Variants in SYN3 observed in about 807,000 individuals in gnomAD.
SYN3 encodes synapsin III, also known as synapsin-3.
A neutral mutation model predicts 65.8 loss-of-function variants in SYN3; 35 were observed. That is an observed-to-expected ratio of 0.53 (90% CI 0.41 to 0.70). The LOEUF is 0.70. SYN3 is among the 30% of genes least tolerant of loss of function. SYN3 has a pLI of 0.00. For missense variants in SYN3, 680 were observed against 749.0 expected (o/e 0.91, Z 1.08); for synonymous variants, 270 against 292.9 (o/e 0.92, Z 0.80).
chr22:32,663,488 C>A (rs1235257605), intron 6 of SYN3, among the ~76,000 whole-genome samples: 3 of 151,704 alleles, frequency 2.0e-5, no homozygotes, highest in African/African-American at 4.8e-5. Flanking sequence ...TTAGTAGAGA[C>A]GGGGTTTCAC....
At chr22:32,898,098 C>A (rs1357062904) in intron 4 of SYN3, among the ~76,000 whole-genome samples, 4 of 152,126 alleles carry the variant, frequency 2.6e-5, no homozygotes, top group Admixed American at 2.6e-4. Context: ...CGGCTTCAAG[C>A]GATTCTCCTG....
chr22:32,884,178 C>G (rs1212264448), intron 4 of SYN3, among the ~76,000 whole-genome samples: 1 of 152,218 alleles, frequency 6.6e-6, no homozygotes, highest in African/African-American at 2.4e-5. Context: ...AAATACACAC[C>G]TAACAAATTT....
At chr22:32,896,006 A>C (rs2049582968) in intron 4 of SYN3, among the ~76,000 whole-genome samples, 1 of 152,242 alleles carries the variant, frequency 6.6e-6, no homozygotes, top group South Asian at 2.1e-4. Flanking sequence ...CAGCACATAG[A>C]AAAATGCTCA....
At chr22:32,565,774 C>T (rs937179949) in intron 7 of SYN3, among the ~76,000 whole-genome samples, 4 of 151,978 alleles carry the variant, frequency 2.6e-5, no homozygotes, top group Non-Finnish European at 4.4e-5. Flanking sequence ...TGCAGTGGCA[C>T]GATCTCGGCT....
At chr22:32,907,244 T>C (rs921456372) in intron 4 of SYN3, among the ~76,000 whole-genome samples, 1 of 152,132 alleles carries the variant, frequency 6.6e-6, no homozygotes, top group African/African-American at 2.4e-5. Context: ...GAAGGTACTT[T>C]CACTAGCCTA....
intron 3 of SYN3, among the ~76,000 whole-genome samples, chr22:32,933,184 A>T (rs558967377): frequency 1.3e-5 from 2 of 152,348 alleles, no homozygotes; most frequent in African/African-American, 4.8e-5. Context: ...CCTTATACAC[A>T]GTAGATGCCA....
chr22:33,020,400 T>C (rs1188429338), intron 1 of SYN3, among the ~76,000 whole-genome samples: 2 of 152,064 alleles, frequency 1.3e-5, no homozygotes, highest in Non-Finnish European at 2.9e-5. Flanking sequence ...CCTCAGGACA[T>C]AGGAGATGGG....
intron 6 of SYN3, among the ~76,000 whole-genome samples, chr22:32,615,443 A>AAAAAAAG (rs1171809266): frequency 3.3e-5 from 5 of 150,744 alleles, no homozygotes; most frequent in African/African-American, 1.2e-4. Flanking sequence ...AAAAAAAAAA[A>AAAAAAAG]AAAAAAAAGA....
chr22:33,017,522 A>G (rs1005205093), intron 1 of SYN3, among the ~76,000 whole-genome samples: 9 of 152,226 alleles, frequency 5.9e-5, no homozygotes, highest in African/African-American at 2.2e-4. Flanking sequence ...CTTTCCATTT[A>G]TTTGTGTCAC....
At chr22:32,806,372 T>G (rs1392112112) in intron 6 of SYN3, among the ~76,000 whole-genome samples, 1 of 152,216 alleles carries the variant, frequency 6.6e-6, no homozygotes, top group Non-Finnish European at 1.5e-5. Flanking sequence ...CACTGCTGAA[T>G]GGCACATTCC....
chr22:32,814,137 T>TGA (rs1276692209), intron 6 of SYN3, among the ~76,000 whole-genome samples: 2 of 80,134 alleles, frequency 2.5e-5, no homozygotes, highest in African/African-American at 9.7e-5. Flanking sequence ...TGTGTGTGTG[T>TGA]GTGTGAGAGA....
At chr22:32,577,415 A>T (rs1224764555) in intron 7 of SYN3, among the ~76,000 whole-genome samples, 1 of 152,170 alleles carries the variant, frequency 6.6e-6, no homozygotes. Context: ...GCATGGCTAG[A>T]TTCCTGCTAG....
In SYN3 at chr22:32,706,344, C is replaced by T. The variant is rs184154307; in HGVS notation, c.712-109608G>A. Among the ~76,000 whole-genome samples, 7 of 152,220 alleles carry T rather than the reference C, an allele frequency of 4.6e-5. No individual in the cohort carries two copies. The East Asian group carries it at 1.3e-3, about 29-fold the overall frequency. ...AAGCGACACCATAAGTACAGAGAAA[C>T]AAAAACAAGAATGACAGCAGACTTC... On this transcript the variant is annotated intron_variant, in intron 6 of 13. Transcript: ENST00000358763.
At chr22:32,578,567 A>G (rs2058889691) in intron 7 of SYN3, among the ~76,000 whole-genome samples, 1 of 152,186 alleles carries the variant, frequency 6.6e-6, no homozygotes, top group African/African-American at 2.4e-5. Context: ...TATTTTTCAA[A>G]CTGTGAGTTT....
At chr22:32,534,384 G>T (rs1601584876) in intron 9 of SYN3, among the ~76,000 whole-genome samples, 1 of 151,100 alleles carries the variant, frequency 6.6e-6, no homozygotes, top group Non-Finnish European at 1.5e-5. Context: ...CCCAGCCCTG[G>T]CCGGACAAGA....
At chr22:32,841,788 T>G (rs1233491081) in intron 6 of SYN3, among the ~76,000 whole-genome samples, 1 of 152,092 alleles carries the variant, frequency 6.6e-6, no homozygotes, top group Non-Finnish European at 1.5e-5. Context: ...CTATGGTACA[T>G]GTTTACCTTT....
intron 6 of SYN3, among the ~76,000 whole-genome samples, chr22:32,705,757 T>C (rs1207395357): frequency 6.6e-6 from 1 of 152,220 alleles, no homozygotes; most frequent in African/African-American, 2.4e-5. Flanking sequence ...GTTCTCATTG[T>C]AGAGATCTGT....
chr22:32,737,887 T>C (rs1275738461), intron 6 of SYN3, among the ~76,000 whole-genome samples: 1 of 152,132 alleles, frequency 6.6e-6, no homozygotes, highest in Non-Finnish European at 1.5e-5. Flanking sequence ...ATTGCTCTGC[T>C]TTTCTGCCAT....
intron 1 of SYN3, among the ~76,000 whole-genome samples, chr22:33,018,222 A>G (rs2053501698): frequency 1.3e-5 from 2 of 152,214 alleles, no homozygotes; most frequent in Admixed American, 6.5e-5. Context: ...GGGGAGCTGG[A>G]TTATGTAATT....
Sources: gnomAD v4.1 joint callset for allele counts (sites outside exome capture counted in the v4.1 genomes callset) on GRCh38, gnomAD v4.1.1 for gene constraint, MANE v1.5 for transcripts, NCBI Gene and HGNC (gene_info 2026-07-23, HGNC 2026-07-21) for gene names.